EHBP1L1: variants seen among roughly 807,000 people sequenced by gnomAD.
EHBP1L1 encodes EH domain binding protein 1 like 1.
In EHBP1L1, 122 loss-of-function variants were observed where a neutral mutation model predicts 151.1. That is an observed-to-expected ratio of 0.81 (90% confidence interval 0.70 to 0.94). EHBP1L1 has a LOEUF of 0.94. Among genes scored for constraint, EHBP1L1 ranks in the 40% least tolerant of loss-of-function variants. The pLI is 0.00. For synonymous variants in EHBP1L1, 878 were observed against 810.1 expected (o/e 1.08, Z -1.42); for missense variants, 1,941 against 1,959.8 (o/e 0.99, Z 0.18).
chr11:65,580,985 G>T, intron 6 of EHBP1L1, 73 bp from the exon 7 acceptor site: 3 of 1,531,102 alleles, frequency 2.0e-6, no homozygotes, highest in Non-Finnish European at 8.8e-7. Flanking sequence ...ACTGTAGTTG[G>T]GGGAGGGGGT....
At chr11:65,580,308 C>T in intron 5 of EHBP1L1, 29 bp from the exon 6 acceptor site, 1 of 1,613,370 alleles carries the variant, frequency 6.2e-7, no homozygotes, top group Non-Finnish European at 8.5e-7. Flanking sequence ...CCTCTGACTC[C>T]ACCCTCACCT....
chr11:65,581,968 G>A lies in EHBP1L1; in HGVS notation c.1296G>A (p.Val432=). The stretch of plus-strand genomic sequence containing the variant: ...TGGATGCTGAGCAGAGGTCAAAGGT[G>A]AGACATGTGGACACTAAGGGACCAG... ...CQVDAEQRSK[V]RHVDTKGPEA... Residue 432 remains valine (V), a synonymous_variant, in exon 9 of 19, where the codon GTG becomes GTA. Transcript: ENST00000309295. 1 of 1,613,840 alleles carries A rather than the reference G, an allele frequency of 6.2e-7. No homozygotes were observed. Among genetic ancestry groups the A allele is most frequent in the South Asian group, 1.1e-5 (1 of 91,086 alleles).
intron 1 of EHBP1L1, 52 bp downstream of exon 1, chr11:65,576,458 C>T: frequency 6.7e-7 from 1 of 1,502,926 alleles, no homozygotes; most frequent in Non-Finnish European, 9.0e-7. Flanking sequence ...GGACCTCATC[C>T]GGCCCTTTGA....
Position 65,582,429 on chromosome 11 carries a change from A to T in EHBP1L1, c.1757A>T (p.Glu586Val), listed in dbSNP as rs1409762512. The T allele has an allele frequency of 6.2e-7, 1 of 1,611,748 alleles. No individual in the cohort carries two copies. Among genetic ancestry groups the T allele is most frequent in the Non-Finnish European group, 8.5e-7 (1 of 1,179,218 alleles). ...GGGTTGGAGGTGCTGGGAACCCAGG[A>T]GAAAGAAGTTGAGGGGTCAGGGTTC... is the stretch of plus-strand genomic sequence containing the variant. ...VVGLEVLGTQ[E>V]KEVEGSGFPE... Residue 586 changes from glutamate to valine, a missense_variant, in exon 9 of 19, where the codon GAG becomes GTG. Transcript: ENST00000309295.
rs1452760338 is a variant in EHBP1L1 at position 65,585,214 on chromosome 11, G to C, written c.3556G>C (p.Gly1186Arg). The C allele has an allele frequency of 8.7e-7, 1 of 1,145,418 alleles. No homozygotes were observed. The highest frequency in any genetic ancestry group is 1.1e-6 in the Non-Finnish European group (1 of 932,008). The allele number at this position is 1,145,418 out of a possible 1,614,324, so 71.0% of individuals were successfully genotyped here. A position where few individuals can be genotyped will look rare whatever the true frequency, so the allele number is the denominator to read the frequency against. Residue 1186 changes from glycine (G) to arginine (R), a missense_variant, in exon 12 of 19, where the codon GGG becomes CGG. Physicochemically the swap from Gly to Arg is moderately radical, Grantham distance 125 (BLOSUM62 -2). Transcript: ENST00000309295. The surrounding 1 kb of genome is among the most constrained non-coding windows in gnomAD (Gnocchi z 4.0). ...CCTGGCGCAGCGGCTGCGCGGTCACGGGGCCGAGGGGCCCCAGGAGCCCAA... is the reference window on the plus strand; with the variant it reads ...CCTGGCGCAGCGGCTGCGCGGTCACCGGGCCGAGGGGCCCCAGGAGCCCAA... ...GGLAQRLRGH[G>R]AEGPQEPKEA...
Position 65,576,211 on chromosome 11 carries a change from G to A in EHBP1L1, c.-92G>A, listed in dbSNP as rs1265374670. The A allele has an allele frequency of 2.4e-5, 27 of 1,139,630 alleles. No homozygotes were observed. The highest frequency in any genetic ancestry group is 3.1e-4 in the Middle Eastern group (1 of 3,232). 70.6% of individuals were successfully genotyped at this position (1,139,630 alleles called of 1,614,324 possible). On this transcript the variant is annotated 5_prime_UTR_variant, in exon 1 of 19. Transcript: ENST00000309295. ...CCTCCGCACGGACGGGGCGGGCGGC[G>A]CGGACAGGCCATGGGGACCCGGGCC... is the stretch of plus-strand genomic sequence containing the variant.
chr11:65,592,101 C>A lies in EHBP1L1; in HGVS notation c.4472+11C>A, dbSNP rs1356517516. 2.5e-6 allele frequency: 4 copies of A among 1,612,412 alleles called. No individual in the cohort carries two copies. In the South Asian group the frequency reaches 3.3e-5, roughly 13 times the overall value. On this transcript the variant is annotated intron_variant, in intron 18 of 18. Coordinates refer to ENST00000309295, the MANE Select transcript of EHBP1L1 (RefSeq NM_001099409.3). ...CCACAAGGAGCGGATGTGAGTGGCG[C>A]TGGGCGGCGCTGGGAGTTGGGAGGG...
intron 6 of EHBP1L1, among the ~76,000 whole-genome samples, chr11:65,580,699 G>A (rs1471759638): frequency 5.3e-5 from 8 of 152,142 alleles, no homozygotes; most frequent in Non-Finnish European, 8.8e-5. Context: ...CCAATGTCTC[G>A]CTGGGCTCCT....
rs745314927 is a variant in EHBP1L1 at position 65,581,756 on chromosome 11, A to G, written c.1084A>G (p.Ile362Val). Residue 362 changes from isoleucine (I) to valine (V), a missense_variant, in exon 9 of 19, where the codon ATT (isoleucine) becomes GTT (valine). Transcript: ENST00000309295. ...CCATGGAGCTAGGCTGGGCCCGAGCATTGAGGATAAAGGTTCTGGAGACCC... is the reference window on the plus strand; with the variant it reads ...CCATGGAGCTAGGCTGGGCCCGAGCGTTGAGGATAAAGGTTCTGGAGACCC... ...EAHGARLGPS[I>V]EDKGSGDPFG... The G allele has an allele frequency of 3.1e-6, 5 of 1,609,872 alleles. No individual in the cohort carries two copies. The East Asian group carries it at 1.1e-4, about 36-fold the overall frequency.
At chr11:65,579,665 G>A (rs182083100) in intron 3 of EHBP1L1, among the ~76,000 whole-genome samples, 1 of 152,068 alleles carries the variant, frequency 6.6e-6, no homozygotes, top group African/African-American at 2.4e-5. Flanking sequence ...AGAACTTGGG[G>A]TGCATCCCAG....
At chr11:65,583,895 G>GCCC in intron 9 of EHBP1L1, 130 bp downstream of exon 9, 1 of 1,421,186 alleles carries the variant, frequency 7.0e-7, no homozygotes. Flanking sequence ...GCTTGAAGGA[G>GCCC]CCCCCTCATC....
Position 65,581,679 on chromosome 11 carries a change from G to A in EHBP1L1, c.1007G>A (p.Gly336Asp). ...TCAGGGGCTCCTCCAGCAGGATTGG[G>A]CTCTGCTAGGGAGACCCAGGCCCAG... ...KASGAPPAGL[G>D]SARETQAQAC... Residue 336 changes from glycine (G) to aspartate (D), a missense_variant, in exon 9 of 19, where the codon GGC becomes GAC. Physicochemically the swap from Gly to Asp is moderately conservative, Grantham distance 94. Transcript: ENST00000309295. 6.4e-7 allele frequency: 1 copy of A among 1,570,790 alleles called. No individual in the cohort carries two copies. The highest frequency in any genetic ancestry group is 8.6e-7 in the Non-Finnish European group (1 of 1,158,440).
intron 12 of EHBP1L1, among the ~76,000 whole-genome samples, chr11:65,586,993 G>C (rs1280716299): frequency 6.6e-6 from 1 of 152,224 alleles, no homozygotes; most frequent in African/African-American, 2.4e-5. Flanking sequence ...ATTGTGTGCA[G>C]TGGGAGGTGG....
chr11:65,582,005 G>C lies in EHBP1L1; in HGVS notation c.1333G>C (p.Val445Leu), dbSNP rs748564593. The C allele has an allele frequency of 2.5e-6, 4 of 1,613,782 alleles. No homozygotes were observed. Among genetic ancestry groups the C allele is most frequent in the Admixed American group, 1.7e-5 (1 of 60,022 alleles). The change falls in exon 9 of 19, where the codon GTG (valine) becomes CTG (leucine). Residue 445 changes from valine to leucine, a missense_variant. Transcript: ENST00000309295. ...VDTKGPEATG[V>L]MPEARCRGTP... is the part of the protein sequence containing the mutation. ...CACTAAGGGACCAGAGGCGACAGGG[G>C]TGATGCCTGAGGCAAGATGCAGGGG...
intron 3 of EHBP1L1, 104 bp from the exon 4 acceptor site, chr11:65,579,832 A>AAC: frequency 7.7e-7 from 1 of 1,298,140 alleles, no homozygotes; most frequent in Non-Finnish European, 1.1e-6. Flanking sequence ...GTCTCAAAAA[A>AAC]AAAAAAAAAG....
rs1028161734 is a variant in EHBP1L1 at position 65,576,347 on chromosome 11, G to A, written c.45G>A (p.Ala15=). ...GCCTGCAGCGCGTGGGCAAGCGGGCGGCCAAGTTCCAGTTCGTGGCCTGTT... is the reference window on the plus strand; with the variant it reads ...GCCTGCAGCGCGTGGGCAAGCGGGCAGCCAAGTTCCAGTTCGTGGCCTGTT... The part of the protein sequence containing the change: ...WKRLQRVGKR[A]AKFQFVACYH... The change falls in exon 1 of 19, where the codon GCG becomes GCA. Residue 15 remains alanine (A), a synonymous_variant. Transcript: ENST00000309295. 1.9e-6 allele frequency: 3 copies of A among 1,599,782 alleles called. No individual in the cohort carries two copies. The highest frequency in any genetic ancestry group is 1.6e-4 in the Middle Eastern group (1 of 6,064).
In EHBP1L1 at chr11:65,582,574, G is replaced by A; in HGVS notation, c.1902G>A (p.Gln634=). The A allele has an allele frequency of 1.2e-6, 2 of 1,613,456 alleles. No homozygotes were observed. Among genetic ancestry groups the A allele is most frequent in the Middle Eastern group, 1.7e-4 (1 of 6,060 alleles). Residue 634 remains glutamine (Q), a synonymous_variant, in exon 9 of 19, where the codon CAG becomes CAA. Coordinates refer to ENST00000309295, the MANE Select transcript of EHBP1L1 (RefSeq NM_001099409.3). ...GTAQCEGLET[Q]ETEVGVIETP... is the part of the protein sequence containing the mutation. Reference sequence around the variant, plus strand: ...CACAGTGTGAGGGACTGGAGACCCAGGAAACAGAGGTGGGGGTCATAGAGA... The same window carrying A: ...CACAGTGTGAGGGACTGGAGACCCAAGAAACAGAGGTGGGGGTCATAGAGA...
intron 15 of EHBP1L1, 125 bp downstream of exon 15, chr11:65,590,335 C>T: frequency 2.0e-6 from 3 of 1,522,236 alleles, no homozygotes; most frequent in South Asian, 1.2e-5. Context: ...TCCCATTTTA[C>T]AGCCAGGCAT....
At chr11:65,577,574 A>G (rs578082124) in intron 1 of EHBP1L1, among the ~76,000 whole-genome samples, 20 of 152,032 alleles carry the variant, frequency 1.3e-4, no homozygotes, top group Non-Finnish European at 2.9e-4. Flanking sequence ...TGGGCTGCTT[A>G]GCCTGGAGCC....
Sources: allele counts gnomAD v4.1 joint callset (sites outside exome capture counted in the v4.1 genomes callset), GRCh38; gene constraint gnomAD v4.1.1; non-coding constraint Gnocchi (gnomAD v3.1); transcripts MANE v1.5; gene names NCBI Gene and HGNC (gene_info 2026-07-23, HGNC 2026-07-21).